The following LY96 variants were observed in gnomAD, a reference collection of about 807,000 sequenced individuals.
The protein encoded by LY96 is myeloid differentiation protein-2.
LY96 carries 18 observed loss-of-function variants against 18.9 expected under a neutral mutation model. That is an observed-to-expected ratio of 0.95 (90% CI 0.66 to 1.41). The LOEUF (loss-of-function observed/expected upper bound fraction) is 1.41. Ranked by LOEUF, LY96 falls within the 40% of genes most tolerant of loss-of-function variation. The pLI is 0.00. For synonymous variants in LY96, 66 were observed against 62.6 expected, an observed-to-expected ratio of 1.06 and a Z score of -0.26; for missense variants, 175 against 182.4, an observed-to-expected ratio of 0.96 and a Z score of 0.23.
the LY96 span, among the ~76,000 whole-genome samples, chr8:74,096,909 GT>G: frequency 6.6e-6 from 1 of 152,180 alleles, no homozygotes; most frequent in Non-Finnish European, 1.5e-5. Flanking sequence ...CAAGAATGAA[GT>G]TTCCCTGGGG....
chr8:74,080,984 CTCTTTCTTTCTTTCTT>C, the LY96 span, among the ~76,000 whole-genome samples: 1,693 of 105,026 alleles, frequency 0.016, 40 homozygotes, highest in Middle Eastern at 0.043. Flanking sequence ...TTCTTTCTCT[CTCTTTCTTTCTTTCTT>C]TCTTTCTTTC....
chr8:74,051,700 T>C, the LY96 span, among the ~76,000 whole-genome samples: 1 of 151,968 alleles, frequency 6.6e-6, no homozygotes, highest in Non-Finnish European at 1.5e-5. Context: ...CCTCAGAGAG[T>C]GCCCTTCCCT....
chr8:74,010,147 A>G lies in LY96; in HGVS notation c.331+18A>G, dbSNP rs368655584. On this transcript the variant is annotated intron_variant, in intron 3 of 4. Transcript: ENST00000284818. ...GAAGGGAGGTAAGTATTCAGTTCATATTACTTTTAGAATAGGAAATAATTC... is the reference window on the plus strand; with the variant it reads ...GAAGGGAGGTAAGTATTCAGTTCATGTTACTTTTAGAATAGGAAATAATTC... The G allele has an allele frequency of 3.7e-6, 6 of 1,603,782 alleles. No homozygotes were observed. The South Asian group carries it at 5.5e-5, about 15-fold the overall frequency.
chr8:74,038,350 C>G, the LY96 span, among the ~76,000 whole-genome samples: 1 of 152,018 alleles, frequency 6.6e-6, no homozygotes. Flanking sequence ...TGCCACCCCC[C>G]GTTCCCAGCC....
chr8:74,047,613 A>G, the LY96 span, among the ~76,000 whole-genome samples: 1 of 152,226 alleles, frequency 6.6e-6, no homozygotes, highest in African/African-American at 2.4e-5. Flanking sequence ...AAGTTATGGC[A>G]ATGCTGGTAG....
downstream of LY96, among the ~76,000 whole-genome samples, chr8:74,033,299 G>A (rs542082056): frequency 9.9e-5 from 15 of 152,240 alleles, no homozygotes; most frequent in African/African-American, 3.4e-4. Context: ...AATTGAGGGA[G>A]TTAAAACAAA....
At chr8:74,015,151 G>T (rs2131273169) in intron 3 of LY96, among the ~76,000 whole-genome samples, 1 of 152,190 alleles carries the variant, frequency 6.6e-6, no homozygotes, top group South Asian at 2.1e-4. Flanking sequence ...AGGCTGCAGT[G>T]AGCCGTGATT....
At chr8:74,049,435 C>T in the LY96 span, among the ~76,000 whole-genome samples, 7 of 152,172 alleles carry the variant, frequency 4.6e-5, no homozygotes, top group Non-Finnish European at 7.3e-5. Flanking sequence ...CACATTTTCA[C>T]GTCTTTATTT....
the LY96 span, among the ~76,000 whole-genome samples, chr8:74,055,327 C>T: frequency 3.3e-5 from 5 of 151,888 alleles, no homozygotes; most frequent in African/African-American, 1.2e-4. Flanking sequence ...TTTTTGAGAC[C>T]GGGTCTCCCT....
At chr8:74,033,094 G>A (rs191682331), downstream of LY96, among the ~76,000 whole-genome samples, 27 of 152,210 alleles carry the variant, frequency 1.8e-4, no homozygotes, top group African/African-American at 6.5e-4. Flanking sequence ...ACATTACTCC[G>A]GCAGAATCAT....
chr8:73,999,120 G>A lies in LY96; in HGVS notation c.113-5676G>A, dbSNP rs1054779407. Among the ~76,000 whole-genome samples, 6 of 151,714 alleles carry A rather than the reference G, an allele frequency of 4.0e-5. 1 individual carries two copies. Among genetic ancestry groups the A allele is most frequent in the South Asian group, 4.2e-4 (2 of 4,810 alleles). The stretch of plus-strand genomic sequence containing the variant: ...TGAGTAGCTGGGACGACAGGCACCC[G>A]CCACCACACCCGGCTAATTTTTTAT... On this transcript the variant is annotated intron_variant, in intron 1 of 4. Coordinates refer to ENST00000284818, the MANE Select transcript of LY96 (RefSeq NM_015364.5).
At chr8:74,005,137 G>A (rs1462193272) in intron 2 of LY96, among the ~76,000 whole-genome samples, 1 of 152,160 alleles carries the variant, frequency 6.6e-6, no homozygotes, top group East Asian at 1.9e-4. Context: ...CCAGGCTGGA[G>A]TCCCTTCTGA....
intron 3 of LY96, among the ~76,000 whole-genome samples, chr8:74,024,147 A>G (rs1162492487): frequency 6.6e-6 from 1 of 152,204 alleles, no homozygotes; most frequent in Non-Finnish European, 1.5e-5. Flanking sequence ...ACTGAGAATT[A>G]GGTGCTAGGT....
At chr8:74,068,084 AAAAAAAT>A in the LY96 span, among the ~76,000 whole-genome samples, 4 of 126,370 alleles carry the variant, frequency 3.2e-5, no homozygotes, top group Non-Finnish European at 6.4e-5. Flanking sequence ...AAAAAAAAAA[AAAAAAAT>A]ATATATATAT....
chr8:73,996,381 C>CTTTCTTTCTTTCT (rs1451842306), intron 1 of LY96, among the ~76,000 whole-genome samples: 18 of 42,258 alleles, frequency 4.3e-4, no homozygotes, highest in Admixed American at 3.0e-4. Flanking sequence ...TCCTTTCTTT[C>CTTTCTTTCTTTCT]TTTCTTTCTT....
chr8:73,993,173 T>C (rs1816046445), intron 1 of LY96, among the ~76,000 whole-genome samples: 1 of 152,124 alleles, frequency 6.6e-6, no homozygotes, highest in South Asian at 2.1e-4. Context: ...TGCCACTCTT[T>C]ATATGGTTTT....
the LY96 span, among the ~76,000 whole-genome samples, chr8:74,079,987 A>G: frequency 1.3e-5 from 2 of 152,212 alleles, no homozygotes; most frequent in Admixed American, 1.3e-4. Context: ...AGGACAGAAT[A>G]AAAGGAAAAA....
At chr8:74,013,673 C>A (rs1329241946) in intron 3 of LY96, among the ~76,000 whole-genome samples, 1 of 152,064 alleles carries the variant, frequency 6.6e-6, no homozygotes, top group Non-Finnish European at 1.5e-5. Flanking sequence ...TTATTAGGGT[C>A]TTGAATCTGA....
chr8:74,022,924 A>G (rs557953887), intron 3 of LY96, among the ~76,000 whole-genome samples: 170 of 152,068 alleles, frequency 1.1e-3, no homozygotes, highest in African/African-American at 3.9e-3. Flanking sequence ...AGTCTCATCC[A>G]TCTTCCTCCC....
Sources: gnomAD v4.1 joint callset for allele counts (sites outside exome capture counted in the v4.1 genomes callset) on GRCh38, gnomAD v4.1.1 for gene constraint, MANE v1.5 for transcripts, NCBI Gene and HGNC (gene_info 2026-07-23, HGNC 2026-07-21) for gene names.